The following AMOTL1 variants were observed in gnomAD, a reference collection of about 807,000 sequenced individuals.
AMOTL1 encodes the protein angiomotin-like protein 1.
Under a neutral mutation model 102.9 loss-of-function variants are expected in AMOTL1, and 45 were observed. The ratio of observed to expected loss-of-function variants is 0.44; its 90% CI spans 0.34 to 0.56. AMOTL1 has a LOEUF of 0.56. Ranked by LOEUF, AMOTL1 falls within the 20% of genes least tolerant of loss-of-function variation. The pLI, the probability that AMOTL1 is intolerant of heterozygous loss-of-function variation, is 0.01. For synonymous variants in AMOTL1, 481 were observed against 484.7 expected, an observed-to-expected ratio of 0.99 and a Z score of 0.10; for missense variants, 1,114 against 1,225.6, an observed-to-expected ratio of 0.91 and a Z score of 1.36.
intron 1 of AMOTL1, among the ~76,000 whole-genome samples, chr11:94,788,600 G>A (rs1951232344): frequency 6.6e-6 from 1 of 152,162 alleles, no homozygotes. Context: ...GAACTCCAAA[G>A]CAGTATGTTC....
upstream of AMOTL1, among the ~76,000 whole-genome samples, chr11:94,767,361 G>C (rs967921245): frequency 6.6e-6 from 1 of 152,142 alleles, no homozygotes; most frequent in African/African-American, 2.4e-5. Context: ...ATCAGGACAT[G>C]CAACCCACCA....
intron 1 of AMOTL1, among the ~76,000 whole-genome samples, chr11:94,781,749 C>T (rs1341394187): frequency 2.0e-5 from 3 of 151,736 alleles, no homozygotes; most frequent in African/African-American, 7.3e-5. Flanking sequence ...GCAGGAGAAT[C>T]GCTTGAACCT....
chr11:94,793,026 A>G (rs1429646605), intron 1 of AMOTL1, among the ~76,000 whole-genome samples: 1 of 152,070 alleles, frequency 6.6e-6, no homozygotes, highest in Non-Finnish European at 1.5e-5. Context: ...TTGAAAGCAC[A>G]CACACACACA....
At chr11:94,868,432 C>T (rs2135743283) in intron 11 of AMOTL1, among the ~76,000 whole-genome samples, 1 of 152,312 alleles carries the variant, frequency 6.6e-6, no homozygotes, top group South Asian at 2.1e-4. Context: ...CACCTCTGCA[C>T]ACCACGCCTC....
intron 10 of AMOTL1, among the ~76,000 whole-genome samples, chr11:94,865,157 G>C (rs1415225432): frequency 1.3e-5 from 2 of 152,130 alleles, no homozygotes; most frequent in Non-Finnish European, 2.9e-5. Flanking sequence ...TTATTTCTTG[G>C]TGTCTATCTC....
intron 1 of AMOTL1, among the ~76,000 whole-genome samples, chr11:94,711,392 T>A (rs1035981016): frequency 6.6e-6 from 1 of 152,148 alleles, no homozygotes. Flanking sequence ...TATAGTACAA[T>A]ATCAAAACCA....
intron 1 of AMOTL1, among the ~76,000 whole-genome samples, chr11:94,777,657 A>T (rs1212795954): frequency 1.3e-5 from 2 of 152,246 alleles, no homozygotes; most frequent in Non-Finnish European, 2.9e-5. Flanking sequence ...AATTTCTTGT[A>T]TTAAATTTAG....
rs139403473 is a variant in AMOTL1, at chr11:94,728,029, A to G, written c.-50-892A>G. Among the ~76,000 whole-genome samples, 641 of 152,318 alleles carry G rather than the reference A, an allele frequency of 4.2e-3. 16 individuals are homozygous for G. Among genetic ancestry groups the G allele is most frequent in the Admixed American group, 0.039 (599 of 15,286 alleles). On this transcript the variant is annotated intron_variant, in intron 1 of 4. Transcript: ENST00000299004. The stretch of plus-strand genomic sequence containing the variant: ...AAGCCAGCTGGGCTGACTACAGCAA[A>G]TGATGATTGGTGCCTATCCTAATTA...
At chr11:94,858,918 A>T (rs1565384640) in intron 8 of AMOTL1, among the ~76,000 whole-genome samples, 1 of 152,220 alleles carries the variant, frequency 6.6e-6, no homozygotes, top group East Asian at 1.9e-4. Context: ...AGCTTGCCTT[A>T]TGCTAGAGGT....
At chr11:94,720,968 G>A (rs1354735375) in intron 1 of AMOTL1, among the ~76,000 whole-genome samples, 1 of 152,104 alleles carries the variant, frequency 6.6e-6, no homozygotes, top group African/African-American at 2.4e-5. Flanking sequence ...TATTGAATTG[G>A]AGGGTAAATT....
chr11:94,814,519 A>C (rs1951733732), intron 3 of AMOTL1, among the ~76,000 whole-genome samples: 1 of 152,202 alleles, frequency 6.6e-6, no homozygotes, highest in African/African-American at 2.4e-5. Context: ...TAAACGAGGG[A>C]GAAGGAGTGT....
chr11:94,755,721 A>G (rs1016618521), intron 3 of AMOTL1, among the ~76,000 whole-genome samples: 1 of 151,960 alleles, frequency 6.6e-6, no homozygotes, highest in Non-Finnish European at 1.5e-5. Context: ...GCAGACAGGC[A>G]GGTTGTGGGG....
intron 1 of AMOTL1, among the ~76,000 whole-genome samples, chr11:94,714,565 A>G (rs1299208078): frequency 6.6e-6 from 1 of 152,102 alleles, no homozygotes; most frequent in Non-Finnish European, 1.5e-5. Context: ...AAATAGTTGT[A>G]GAGCTGTTCA....
chr11:94,811,002 A>G (rs1189744836), intron 3 of AMOTL1, among the ~76,000 whole-genome samples: 1 of 152,174 alleles, frequency 6.6e-6, no homozygotes, highest in African/African-American at 2.4e-5. Flanking sequence ...AAACTAATAC[A>G]AATGTCAAAC....
At chr11:94,833,701 G>C (rs1230261352) in intron 6 of AMOTL1, among the ~76,000 whole-genome samples, 1 of 152,214 alleles carries the variant, frequency 6.6e-6, no homozygotes, top group Non-Finnish European at 1.5e-5. Flanking sequence ...GACTGTCCTA[G>C]AGGCAAGGAG....
In AMOTL1 at chr11:94,821,561, A is replaced by G. The variant is rs201040287; in HGVS notation, c.1153A>G (p.Met385Val). The change falls in exon 4 of 13, where the codon ATG (methionine) becomes GTG (valine). Residue 385 changes from methionine (M) to valine (V), a missense_variant. Physicochemically the swap from Met to Val is conservative, Grantham distance 21 (BLOSUM62 1). Coordinates refer to ENST00000433060, the MANE Select transcript of AMOTL1 (RefSeq NM_130847.3). ...RPCQLPFPST[M>V]QQHSPMSSQT... is the part of the protein sequence containing the mutation. ...ATGCCAACTTCCGTTCCCATCAACC[A>G]TGCAGCAGCACAGCCCCATGTCCTC... 3,495 of 1,613,800 alleles carry G rather than the reference A, an allele frequency of 2.2e-3. 74 individuals carry two copies. In the South Asian group the frequency reaches 0.036, roughly 16 times the overall value.
chr11:94,802,937 A>G (rs769156466), intron 3 of AMOTL1, among the ~76,000 whole-genome samples: 13 of 152,230 alleles, frequency 8.5e-5, no homozygotes, highest in Admixed American at 2.6e-4. Flanking sequence ...TCTTGTGCTT[A>G]AAGGGTTATC....
chr11:94,714,144 A>T (rs1182682897), intron 1 of AMOTL1, among the ~76,000 whole-genome samples: 1 of 152,056 alleles, frequency 6.6e-6, no homozygotes, highest in East Asian at 1.9e-4. Flanking sequence ...CAGTATGATC[A>T]TGTGATTTTT....
At chr11:94,814,315 C>A (rs1005902642) in intron 3 of AMOTL1, among the ~76,000 whole-genome samples, 1 of 152,174 alleles carries the variant, frequency 6.6e-6, no homozygotes, top group Non-Finnish European at 1.5e-5. Flanking sequence ...TGGGCTTTTT[C>A]AAAATGGGAA....
Sources: allele counts gnomAD v4.1 joint callset (sites outside exome capture counted in the v4.1 genomes callset), GRCh38; gene constraint gnomAD v4.1.1; transcripts MANE v1.5; gene names NCBI Gene and HGNC (gene_info 2026-07-23, HGNC 2026-07-21).